GPAT4: variants seen among roughly 807,000 people sequenced by gnomAD.
GPAT4 encodes 1-AGP acyltransferase 6.
In GPAT4, 17 loss-of-function variants were observed where a neutral mutation model predicts 58.0. The ratio of observed to expected loss-of-function variants is 0.29; its 90% CI spans 0.20 to 0.44. GPAT4 has a LOEUF of 0.44. GPAT4 is among the 20% of genes least tolerant of loss of function. The pLI, the probability that GPAT4 is intolerant of heterozygous loss-of-function variation, is 1.00. For missense variants in GPAT4, 377 were observed against 574.5 expected, an observed-to-expected ratio of 0.66 and a Z score of 3.51; for synonymous variants, 204 against 210.1, an observed-to-expected ratio of 0.97 and a Z score of 0.25.
intron 3 of GPAT4, 50 bp from the exon 4 acceptor site, chr8:41,609,605 C>T: frequency 6.2e-7 from 1 of 1,604,160 alleles, no homozygotes; most frequent in Non-Finnish European, 8.5e-7. Flanking sequence ...GAGTATGTCT[C>T]ACGTGCTCTC....
At chr8:41,596,195 T>C (rs1417204586) in intron 1 of GPAT4, among the ~76,000 whole-genome samples, 2 of 152,076 alleles carry the variant, frequency 1.3e-5, no homozygotes, top group Non-Finnish European at 2.9e-5. Context: ...TAGTTCCTAG[T>C]GGGGTGGGCT....
In GPAT4 at chr8:41,623,729, G is replaced by A. The variant is rs1803827204; in HGVS notation, c.*2728G>A. 1 of 152,266 alleles carries A rather than the reference G, an allele frequency of 6.6e-6. No individual in the cohort carries two copies. Among genetic ancestry groups the A allele is most frequent in the Admixed American group, 6.5e-5 (1 of 15,286 alleles). The allele number at this position is 152,266 out of a possible 1,614,324, so 9.4% of individuals were successfully genotyped here. ...AGGGTGACCTCAAGGGCTTTAGGCA[G>A]CCATGGGGCTGGGGCCATACTGCTC... On this transcript the variant is annotated 3_prime_UTR_variant, in exon 13 of 13. Transcript: ENST00000396987.
chr8:41,595,422 T>C (rs1802904116), intron 1 of GPAT4, among the ~76,000 whole-genome samples: 1 of 151,424 alleles, frequency 6.6e-6, no homozygotes, highest in Admixed American at 6.6e-5. Context: ...ATTTTTCTAC[T>C]TTCTTCTGTT....
intron 10 of GPAT4, 195 bp from the exon 11 acceptor site, chr8:41,618,489 C>A: frequency 1.5e-6 from 1 of 675,346 alleles, no homozygotes; most frequent in Non-Finnish European, 2.5e-6. Flanking sequence ...AGGCCGGGTT[C>A]CTCGGGGGAG....
At chr8:41,611,812 TATAA>T in intron 5 of GPAT4, 87 bp from the exon 6 acceptor site, 1 of 1,214,806 alleles carries the variant, frequency 8.2e-7, no homozygotes. Flanking sequence ...ACTTTGCTGT[TATAA>T]AGGACTGCTG....
At chr8:41,591,934 A>G (rs1280929767) in intron 1 of GPAT4, among the ~76,000 whole-genome samples, 1 of 152,226 alleles carries the variant, frequency 6.6e-6, no homozygotes, top group East Asian at 1.9e-4. Flanking sequence ...AGAATAGTCA[A>G]GGCTCTGCCA....
chr8:41,581,077 T>G (rs557012312), intron 1 of GPAT4, among the ~76,000 whole-genome samples: 1 of 152,242 alleles, frequency 6.6e-6, no homozygotes, highest in Non-Finnish European at 1.5e-5. Flanking sequence ...ATGACGTGTC[T>G]TTTACTTCCT....
At position 41,612,058 on chromosome 8, in the gene GPAT4, A is replaced by T. The variant is rs1438010200; in HGVS notation, c.701+66A>T. 3.1e-6 allele frequency: 5 copies of T among 1,596,200 alleles called. No homozygotes were observed. In the Admixed American group the frequency reaches 8.4e-5, roughly 27 times the overall value. ...CAGGAAACACCACCCACCTATACTTAGCCAAATGGGAAGACACTTCTGAGC... is the reference window on the plus strand; with the variant it reads ...CAGGAAACACCACCCACCTATACTTTGCCAAATGGGAAGACACTTCTGAGC... On this transcript the variant is annotated intron_variant, in intron 6 of 12. Transcript: ENST00000396987.
Position 41,610,761 on chromosome 8 carries a change from A to G in GPAT4, c.562A>G (p.Ser188Gly). 13 of 1,612,224 alleles carry G rather than the reference A, an allele frequency of 8.1e-6. No individual in the cohort carries two copies. Among genetic ancestry groups the G allele is most frequent in the Non-Finnish European group, 1.1e-5 (13 of 1,179,032 alleles). ...LRIALAFTGI[S>G]LLVVGTTVVG... ...GATAGCACTGGCTTTCACAGGGATT[A>G]GCCTTCTGGTGGTGGGCACAACTGT... Residue 188 changes from serine (S) to glycine (G), a missense_variant, in exon 5 of 13, where the codon AGC becomes GGC. Physicochemically the swap from Ser to Gly is moderately conservative, Grantham distance 56. Coordinates refer to ENST00000396987, the MANE Select transcript of GPAT4 (RefSeq NM_178819.4).
At position 41,598,763 on chromosome 8, in the gene GPAT4, A is replaced by G. The variant is rs1803003034; in HGVS notation, c.-377A>G. 5.3e-6 allele frequency: 1 copy of G among 187,020 alleles called. No individual in the cohort carries two copies. The highest frequency in any genetic ancestry group is 1.1e-5 in the Non-Finnish European group (1 of 92,566). 11.6% of individuals were successfully genotyped at this position (187,020 alleles called of 1,614,324 possible). On this transcript the variant is annotated 5_prime_UTR_variant, in exon 2 of 13. Coordinates refer to ENST00000396987, the MANE Select transcript of GPAT4 (RefSeq NM_178819.4). The stretch of plus-strand genomic sequence containing the variant: ...ATTTATCTGTTGAATGCTCTTGGGC[A>G]GGAAAACCATGTAAAACCTCTGGAA...
At position 41,623,290 on chromosome 8, in the gene GPAT4, TAGTC is replaced by T. The variant is rs1350864439; in HGVS notation, c.*2292_*2295del. ...GGTCCTGCAAGCCCCAAGTGACCCA[TAGTC>T]AGAGTATCTGGTTTGGGGTAACCGA... On this transcript the variant is annotated 3_prime_UTR_variant, in exon 13 of 13. Transcript: ENST00000396987. The T allele has an allele frequency of 1.1e-4, 16 of 152,346 alleles. No homozygotes were observed. Among genetic ancestry groups the T allele is most frequent in the African/African-American group, 3.4e-4 (14 of 41,574 alleles). 9.4% of individuals were successfully genotyped at this position (152,346 alleles called of 1,614,324 possible).
intron 1 of GPAT4, among the ~76,000 whole-genome samples, chr8:41,593,014 A>G (rs571991320): frequency 6.6e-6 from 1 of 152,302 alleles, no homozygotes; most frequent in East Asian, 1.9e-4. Context: ...ATTTCCACAC[A>G]GTCCTAATTC....
At chr8:41,586,794 G>A (rs1181669009) in intron 1 of GPAT4, among the ~76,000 whole-genome samples, 11 of 152,184 alleles carry the variant, frequency 7.2e-5, no homozygotes, top group Admixed American at 7.2e-4. Flanking sequence ...CTCAGAGATG[G>A]TTGTCTTCTC....
Position 41,618,879 on chromosome 8 carries a change from C to T in GPAT4, c.1183-19C>T. On this transcript the variant is annotated intron_variant, in intron 11 of 12. Transcript: ENST00000396987. ...ACGTCAAGCCGGGGCTGAGTGGTCT[C>T]ATTTGTTCTTTCTTACAGGCAGATG... 2 of 1,614,186 alleles carry T rather than the reference C, an allele frequency of 1.2e-6. No homozygotes were observed. Among genetic ancestry groups the T allele is most frequent in the South Asian group, 2.2e-5 (2 of 91,088 alleles).
At chr8:41,600,685 ATT>A in intron 2 of GPAT4, among the ~76,000 whole-genome samples, 1 of 152,178 alleles carries the variant, frequency 6.6e-6, no homozygotes, top group South Asian at 2.1e-4. Context: ...CTATATTCAC[ATT>A]GTTTTCTGTC....
chr8:41,607,003 C>G (rs757194478), intron 2 of GPAT4, among the ~76,000 whole-genome samples: 22 of 152,204 alleles, frequency 1.4e-4, no homozygotes, highest in Non-Finnish European at 2.4e-4. Flanking sequence ...TCTTGCATTT[C>G]CAGTCCTTCT....
intron 6 of GPAT4, 74 bp downstream of exon 6, chr8:41,612,066 G>A: frequency 6.3e-7 from 1 of 1,591,034 alleles, no homozygotes; most frequent in Non-Finnish European, 8.6e-7. Context: ...TTAGCCAAAT[G>A]GGAAGACACT....
chr8:41,590,872 A>T (rs940497307), intron 1 of GPAT4, among the ~76,000 whole-genome samples: 2 of 151,906 alleles, frequency 1.3e-5, no homozygotes, highest in Non-Finnish European at 2.9e-5. Flanking sequence ...AATGCAAATC[A>T]TACAGATTGA....
chr8:41,583,171 G>C (rs1802567808), intron 1 of GPAT4, among the ~76,000 whole-genome samples: 1 of 151,968 alleles, frequency 6.6e-6, no homozygotes, highest in Admixed American at 6.6e-5. Context: ...GATGCAGTGA[G>C]CAGAGATCGC....
Sources: allele counts gnomAD v4.1 joint callset (sites outside exome capture counted in the v4.1 genomes callset), GRCh38; gene constraint gnomAD v4.1.1; transcripts MANE v1.5; gene names NCBI Gene and HGNC (gene_info 2026-07-23, HGNC 2026-07-21).